The following ADD1 variants were observed in gnomAD, a reference collection of about 807,000 sequenced individuals.
The protein encoded by ADD1 is alpha-adducin.
In ADD1, 24 loss-of-function variants were observed where a neutral mutation model predicts 80.5. The ratio of observed to expected loss-of-function variants is 0.30; its 90% CI spans 0.22 to 0.42. ADD1 has a LOEUF of 0.42. Among genes scored for constraint, ADD1 ranks in the 10% least tolerant of loss-of-function variants. The probability of loss-of-function intolerance (pLI) is 1.00; values close to 1 mark genes in which losing one functional copy is unlikely to be tolerated. For missense variants in ADD1, 948 were observed against 1,019.0 expected, an observed-to-expected ratio of 0.93 and a Z score of 0.95; for synonymous variants, 373 against 393.8, an observed-to-expected ratio of 0.95 and a Z score of 0.63.
intron 4 of ADD1, among the ~76,000 whole-genome samples, chr4:2,885,853 G>GC (rs1420381021): frequency 6.6e-6 from 1 of 151,992 alleles, no homozygotes; most frequent in East Asian, 1.9e-4. Context: ...CTTGTGATCC[G>GC]CCCGCCTTGG....
chr4:2,845,373 CG>C (rs1560129184), intron 1 of ADD1, among the ~76,000 whole-genome samples: 1 of 152,050 alleles, frequency 6.6e-6, no homozygotes, highest in Non-Finnish European at 1.5e-5. Flanking sequence ...GCCTGGCCTA[CG>C]TTAAAATTTT....
chr4:2,862,251 G>T (rs1023405369), intron 1 of ADD1, among the ~76,000 whole-genome samples: 8 of 152,198 alleles, frequency 5.3e-5, no homozygotes, highest in African/African-American at 1.7e-4. Flanking sequence ...CTGAGAGCTG[G>T]TAAAGTGAAT....
chr4:2,919,600 C>G (rs981256743), intron 14 of ADD1, among the ~76,000 whole-genome samples: 2 of 152,166 alleles, frequency 1.3e-5, no homozygotes, highest in Non-Finnish European at 2.9e-5. Flanking sequence ...TCCATTTCTT[C>G]TAGATTTTCT....
At position 2,905,343 on chromosome 4, in the gene ADD1, T is replaced by G. The variant is rs1736867960; in HGVS notation, c.1506+235T>G. ...AACTCCGCAGTAGTTCCAGTATATC[T>G]CCGTATATAGCAAAAATATACAATA... On this transcript the variant is annotated intron_variant, in intron 10 of 15. Coordinates refer to ENST00000683351, the MANE Select transcript of ADD1 (RefSeq NM_001354761.2). 1.6e-5 allele frequency: 9 copies of G among 563,480 alleles called. No individual in the cohort carries two copies. The South Asian group carries it at 2.2e-4, about 13-fold the overall frequency. 34.9% of individuals were successfully genotyped at this position (563,480 alleles called of 1,614,324 possible).
At chr4:2,906,408 C>G (rs1296904424) in intron 10 of ADD1, among the ~76,000 whole-genome samples, 1 of 151,974 alleles carries the variant, frequency 6.6e-6, no homozygotes, top group African/African-American at 2.4e-5. Context: ...AAAAAAAACC[C>G]CAAAACACCT....
chr4:2,848,635 A>AT (rs397823169), intron 1 of ADD1, among the ~76,000 whole-genome samples: 5,374 of 142,146 alleles, frequency 0.038, 184 homozygotes, highest in Non-Finnish European at 0.049. Context: ...GGCTTGGCTA[A>AT]TTTTTTTTTT....
chr4:2,847,952 C>T (rs1046976855), intron 1 of ADD1, among the ~76,000 whole-genome samples: 5 of 152,108 alleles, frequency 3.3e-5, no homozygotes, highest in Admixed American at 6.5e-5. Flanking sequence ...TGGTGGCTCA[C>T]GTCTGTAATC....
intron 1 of ADD1, among the ~76,000 whole-genome samples, chr4:2,868,818 T>A (rs1484571412): frequency 6.6e-6 from 1 of 151,962 alleles, no homozygotes; most frequent in Non-Finnish European, 1.5e-5. Context: ...CACACAGGAG[T>A]CCAGGTGCCA....
chr4:2,871,053 G>A (rs1020939749), intron 1 of ADD1, among the ~76,000 whole-genome samples: 1 of 149,988 alleles, frequency 6.7e-6, no homozygotes, highest in African/African-American at 2.5e-5. Context: ...ACTGCAATCT[G>A]TGCCTGCCGG....
chr4:2,898,514 G>C lies in ADD1; in HGVS notation c.967G>C (p.Val323Leu), dbSNP rs761038171. The stretch of plus-strand genomic sequence containing the variant: ...CTTCTATTACATCCATAACCTTGTG[G>C]TTGCCTGTGAGATCCAGGTAGGGGA... ...EAFYYIHNLV[V>L]ACEIQVRTLA... Residue 323 changes from valine (V) to leucine (L), a missense_variant, in exon 8 of 16, where the codon GTT becomes CTT. Physicochemically the swap from Val to Leu is conservative, Grantham distance 32. Coordinates refer to ENST00000683351, the MANE Select transcript of ADD1 (RefSeq NM_001354761.2). 5.0e-6 allele frequency: 8 copies of C among 1,614,122 alleles called. 1 individual carries two copies. The South Asian group carries it at 8.8e-5, about 18-fold the overall frequency.
chr4:2,915,716 G>A (rs1322526807), intron 14 of ADD1, among the ~76,000 whole-genome samples: 2 of 152,072 alleles, frequency 1.3e-5, no homozygotes, highest in East Asian at 1.9e-4. Flanking sequence ...CCAGCTACTC[G>A]GGAAGGCTGA....
intron 14 of ADD1, among the ~76,000 whole-genome samples, chr4:2,921,424 G>C (rs547668320): frequency 7.2e-5 from 11 of 152,282 alleles, no homozygotes; most frequent in African/African-American, 2.4e-4. Context: ...CACTGCACCC[G>C]GCCGAAAATT....
chr4:2,893,096 A>G (rs1560201891), intron 4 of ADD1, among the ~76,000 whole-genome samples: 2 of 151,486 alleles, frequency 1.3e-5, no homozygotes, highest in Non-Finnish European at 2.9e-5. Flanking sequence ...TGTCTATTTT[A>G]TTTTATTTTT....
intron 1 of ADD1, among the ~76,000 whole-genome samples, chr4:2,852,796 G>A (rs929531494): frequency 6.6e-6 from 1 of 151,122 alleles, no homozygotes; most frequent in Non-Finnish European, 1.5e-5. Flanking sequence ...GACCTCGTGG[G>A]CCCGAGCAGT....
intron 1 of ADD1, among the ~76,000 whole-genome samples, chr4:2,852,189 T>TTTCTTCCTTTCTTC (rs1553815102): frequency 3.9e-5 from 2 of 50,754 alleles, no homozygotes; most frequent in African/African-American, 1.4e-4. Context: ...TTTCTTTCTT[T>TTTCTTCCTTTCTTC]CTTTCTTTCC....
rs139297503 is a variant in ADD1, at chr4:2,923,675, A to G, written c.1949-2339A>G. 1.1e-3 allele frequency among the ~76,000 whole-genome samples: 167 copies of G among 152,320 alleles called. 1 individual carries two copies. Among genetic ancestry groups the G allele is most frequent in the Admixed American group, 3.6e-3 (55 of 15,310 alleles). On this transcript the variant is annotated intron_variant, in intron 14 of 15. Transcript: ENST00000683351. ...CACCGGGGAGAGACCTCCTTTACTC[A>G]GTTTGATTCATTAACACTCAGCATT...
At position 2,884,014 on chromosome 4, in the gene ADD1, A is replaced by G. The variant is rs139584548; in HGVS notation, c.359-501A>G. Among the ~76,000 whole-genome samples, 8 of 152,290 alleles carry G rather than the reference A, an allele frequency of 5.3e-5. No individual in the cohort carries two copies. In the East Asian group the frequency reaches 1.3e-3, roughly 26 times the overall value. ...CTCCTTTCTTTTGTTAAGTCTGGCT[A>G]GAGGTTTATCTTATTTTATTATTTG... On this transcript the variant is annotated intron_variant, in intron 3 of 15. Coordinates refer to ENST00000683351, the MANE Select transcript of ADD1 (RefSeq NM_001354761.2).
chr4:2,850,638 G>A (rs879846037), intron 1 of ADD1, among the ~76,000 whole-genome samples: 17 of 152,188 alleles, frequency 1.1e-4, no homozygotes, highest in Non-Finnish European at 1.9e-4. Flanking sequence ...TGTTAGCCAG[G>A]ATGGTCTCAA....
intron 6 of ADD1, among the ~76,000 whole-genome samples, chr4:2,896,979 C>G (rs772378581): frequency 6.6e-6 from 1 of 152,046 alleles, no homozygotes; most frequent in Non-Finnish European, 1.5e-5. Flanking sequence ...AGGCTGGTCT[C>G]GAACTCCTGG....
Sources: gnomAD v4.1 joint callset for allele counts (sites outside exome capture counted in the v4.1 genomes callset) on GRCh38, gnomAD v4.1.1 for gene constraint, MANE v1.5 for transcripts, NCBI Gene and HGNC (gene_info 2026-07-23, HGNC 2026-07-21) for gene names.